AP4S1: variants seen among roughly 807,000 people sequenced by gnomAD.
AP4S1 encodes the protein adaptor related protein complex 4 subunit sigma 1, also known as AP-4 complex subunit sigma-1.
Under a neutral mutation model 19.8 loss-of-function variants are expected in AP4S1, and 23 were observed. The observed-to-expected ratio is 1.16, with a 90% CI of 0.84 to 1.65. The LOEUF is 1.65. Ranked by LOEUF, AP4S1 falls within the 40% of genes most tolerant of loss-of-function variation. The probability of loss-of-function intolerance (pLI) is 0.00; values close to 1 mark genes in which losing one functional copy is unlikely to be tolerated. For missense variants in AP4S1, 166 were observed against 172.8 expected, an observed-to-expected ratio of 0.96 and a Z score of 0.22; for synonymous variants, 46 against 54.1, an observed-to-expected ratio of 0.85 and a Z score of 0.66.
chr14:31,043,161 C>T (rs1177695589), intron 1 of AP4S1, among the ~76,000 whole-genome samples: 1 of 151,186 alleles, frequency 6.6e-6, no homozygotes, highest in African/African-American at 2.4e-5. Flanking sequence ...GCGGAAGTTG[C>T]AGTGAGCCGA....
At chr14:31,077,739 C>CTTTT (rs71112379) in intron 4 of AP4S1, among the ~76,000 whole-genome samples, 2 of 135,236 alleles carry the variant, frequency 1.5e-5, no homozygotes, top group Non-Finnish European at 3.2e-5. Flanking sequence ...TTTCTTTTTT[C>CTTTT]TTTTTTTTTT....
intron 1 of AP4S1, among the ~76,000 whole-genome samples, chr14:31,050,895 T>TC (rs1885751638): frequency 6.6e-6 from 1 of 152,158 alleles, no homozygotes; most frequent in South Asian, 2.1e-4. Context: ...TTCTTGTTTT[T>TC]CATGACTGTG....
At chr14:31,052,528 C>CT (rs1885854309) in intron 1 of AP4S1, among the ~76,000 whole-genome samples, 4 of 151,870 alleles carry the variant, frequency 2.6e-5, no homozygotes, top group African/African-American at 9.7e-5. Context: ...AGTTCGAGAC[C>CT]AGCCTGGCCA....
At chr14:31,073,396 A>G (rs1336754901) in intron 4 of AP4S1, among the ~76,000 whole-genome samples, 12 of 135,310 alleles carry the variant, frequency 8.9e-5, no homozygotes, top group Admixed American at 1.5e-4. Context: ...AGGCTGAGGC[A>G]GGAGAATGGC....
intron 1 of AP4S1, among the ~76,000 whole-genome samples, chr14:31,037,103 C>T (rs1214039203): frequency 2.0e-5 from 3 of 151,992 alleles, no homozygotes; most frequent in Non-Finnish European, 2.9e-5. Context: ...TCAGCCACCA[C>T]GCCCGGCCAA....
At chr14:31,043,236 AAG>A (rs1555330396) in intron 1 of AP4S1, among the ~76,000 whole-genome samples, 4 of 151,920 alleles carry the variant, frequency 2.6e-5, no homozygotes, top group Non-Finnish European at 5.9e-5. Flanking sequence ...AAAAAAAAAA[AAG>A]AAAGCAACAC....
At chr14:31,059,907 G>A (rs1021252706) in intron 1 of AP4S1, among the ~76,000 whole-genome samples, 1 of 150,074 alleles carries the variant, frequency 6.7e-6, no homozygotes, top group Non-Finnish European at 1.5e-5. Flanking sequence ...TAGGAAACAA[G>A]AAATGAGCTG....
chr14:31,050,525 G>C (rs534891592), intron 1 of AP4S1, among the ~76,000 whole-genome samples: 26 of 151,630 alleles, frequency 1.7e-4, no homozygotes, highest in African/African-American at 5.6e-4. Context: ...TATGAGGCTG[G>C]TCTCAAACTC....
rs146484434 is a variant in AP4S1, at chr14:31,049,025, G to A, written c.-71-17101G>A. 5.3e-5 allele frequency among the ~76,000 whole-genome samples: 8 copies of A among 152,096 alleles called. No homozygotes were observed. The East Asian group carries it at 1.6e-3, about 30-fold the overall frequency. ...TCCCAGCACTTTGGGAGGCAGGGCA[G>A]ATCACCCTAGGTCAGGAGTTCAAGA... On this transcript the variant is annotated intron_variant, in intron 1 of 5. Transcript: ENST00000542754.
chr14:31,091,762 T>C (rs1888082643), intron 5 of AP4S1, among the ~76,000 whole-genome samples: 1 of 152,222 alleles, frequency 6.6e-6, no homozygotes, highest in Admixed American at 6.5e-5. Flanking sequence ...AACAATTCAC[T>C]TTACAAAGAT....
intron 4 of AP4S1, among the ~76,000 whole-genome samples, chr14:31,075,143 A>G (rs764620348): frequency 6.6e-6 from 1 of 152,182 alleles, no homozygotes; most frequent in Non-Finnish European, 1.5e-5. Context: ...ATCTAATTGC[A>G]TATTTGCACC....
intron 5 of AP4S1, chr14:31,085,733 A>G (rs1386094315): frequency 3.7e-6 from 3 of 812,976 alleles, no homozygotes; most frequent in South Asian, 5.6e-5. Context: ...TGATTGTGCT[A>G]CTGCACTCCA....
intron 1 of AP4S1, among the ~76,000 whole-genome samples, chr14:31,036,008 G>A (rs1263233085): frequency 6.6e-6 from 1 of 152,112 alleles, no homozygotes; most frequent in Non-Finnish European, 1.5e-5. Context: ...GGGATTACAG[G>A]CGTGAGCCAC....
chr14:31,075,048 T>C (rs1285831267), intron 4 of AP4S1, among the ~76,000 whole-genome samples: 1 of 152,216 alleles, frequency 6.6e-6, no homozygotes, highest in Non-Finnish European at 1.5e-5. Flanking sequence ...TGAATTATTC[T>C]CTTAGCTATT....
At chr14:31,067,178 A>G (rs1422424684) in intron 2 of AP4S1, among the ~76,000 whole-genome samples, 1 of 150,862 alleles carries the variant, frequency 6.6e-6, no homozygotes, top group Non-Finnish European at 1.5e-5. Context: ...ATTGCTCTCC[A>G]GCCTGAGCGA....
At chr14:31,045,303 G>A (rs1343851303) in intron 1 of AP4S1, among the ~76,000 whole-genome samples, 1 of 152,164 alleles carries the variant, frequency 6.6e-6, no homozygotes, top group Non-Finnish European at 1.5e-5. Flanking sequence ...GTTAGGCTTT[G>A]TGTCCCCACT....
At chr14:31,073,569 C>A (rs184722146) in intron 4 of AP4S1, among the ~76,000 whole-genome samples, 2 of 150,948 alleles carry the variant, frequency 1.3e-5, no homozygotes, top group Admixed American at 1.3e-4. Context: ...TTTTCTTCTT[C>A]CCTCTGCTTT....
intron 1 of AP4S1, among the ~76,000 whole-genome samples, chr14:31,045,720 C>A (rs1326319830): frequency 1.3e-5 from 2 of 152,058 alleles, no homozygotes; most frequent in Non-Finnish European, 2.9e-5. Flanking sequence ...GGCCTTTGTT[C>A]CTGATTCCTG....
At chr14:31,025,537 G>A (rs59721419), upstream of AP4S1, 1,494 of 279,440 alleles carry the variant, frequency 5.3e-3, 22 homozygotes, top group African/African-American at 0.031. Flanking sequence ...ACAAACAAGA[G>A]CAAACTCAGT....
Sources: gnomAD v4.1 joint callset for allele counts (sites outside exome capture counted in the v4.1 genomes callset) on GRCh38, gnomAD v4.1.1 for gene constraint, MANE v1.5 for transcripts, NCBI Gene and HGNC (gene_info 2026-07-23, HGNC 2026-07-21) for gene names.